The following OSBPL1A variants were observed in gnomAD, a reference collection of about 807,000 sequenced individuals.
The protein encoded by OSBPL1A is oxysterol-binding protein-related protein 1.
A neutral mutation model predicts 137.1 loss-of-function variants in OSBPL1A; 80 were observed. That is an observed-to-expected ratio of 0.58 (90% CI 0.49 to 0.70). OSBPL1A has a LOEUF of 0.70. Ranked by LOEUF, OSBPL1A falls within the 30% of genes least tolerant of loss-of-function variation. The pLI is 0.00. For missense variants in OSBPL1A, 970 were observed against 1,129.4 expected, an observed-to-expected ratio of 0.86 and a Z score of 2.02; for synonymous variants, 365 against 389.7, an observed-to-expected ratio of 0.94 and a Z score of 0.75.
intron 15 of OSBPL1A, among the ~76,000 whole-genome samples, chr18:24,252,448 C>G (rs275868): frequency 0.49 from 74,382 of 151,726 alleles, 19,058 homozygotes; most frequent in East Asian, 0.88. Flanking sequence ...GAAAAAAACT[C>G]TTACCCTAGA....
intron 4 of OSBPL1A, among the ~76,000 whole-genome samples, chr18:24,361,777 G>T (rs565630054): frequency 2.6e-4 from 40 of 152,190 alleles, no homozygotes; most frequent in African/African-American, 9.1e-4. Flanking sequence ...CTTTGGGATT[G>T]AGAGCACTTG....
At chr18:24,389,566 G>A (rs936835366) in intron 1 of OSBPL1A, among the ~76,000 whole-genome samples, 1 of 152,104 alleles carries the variant, frequency 6.6e-6, no homozygotes, top group African/African-American at 2.4e-5. Context: ...CTCCAAGGGC[G>A]ATGACTTGTT....
intron 14 of OSBPL1A, among the ~76,000 whole-genome samples, chr18:24,298,452 T>C (rs2090334512): frequency 6.6e-6 from 1 of 152,224 alleles, no homozygotes. Flanking sequence ...GTTCAAGCGA[T>C]TCTCCTGCCT....
At chr18:24,375,847 G>T (rs1421109009) in intron 2 of OSBPL1A, among the ~76,000 whole-genome samples, 3 of 152,188 alleles carry the variant, frequency 2.0e-5, no homozygotes, top group Non-Finnish European at 4.4e-5. Context: ...TTATCATAGT[G>T]TATCTGGAAT....
Position 24,162,277 on chromosome 18 carries a change from C to T in OSBPL1A, c.*902G>A, listed in dbSNP as rs893198674. On this transcript the variant is annotated 3_prime_UTR_variant, in exon 28 of 28. Transcript: ENST00000319481. ...TAGGTCTCCACACATATTTTAAGTA[C>T]ACAGGTACTTTGCAAACTTGAAATG... 12 of 152,182 alleles carry T rather than the reference C, an allele frequency of 7.9e-5. No individual in the cohort carries two copies. The highest frequency in any genetic ancestry group is 2.9e-4 in the African/African-American group (12 of 41,420). The allele number at this position is 152,182 out of a possible 1,614,324, so 9.4% of individuals were successfully genotyped here. A position where few individuals can be genotyped will look rare whatever the true frequency, so the allele number is the denominator to read the frequency against.
intron 20 of OSBPL1A, among the ~76,000 whole-genome samples, chr18:24,178,809 C>T (rs2086521981): frequency 6.6e-6 from 1 of 152,016 alleles, no homozygotes; most frequent in Admixed American, 6.6e-5. Context: ...AGTGTGTCCA[C>T]TTTCAAACAT....
intron 16 of OSBPL1A, among the ~76,000 whole-genome samples, chr18:24,231,956 G>C (rs1432109110): frequency 6.6e-6 from 1 of 152,158 alleles, no homozygotes; most frequent in Non-Finnish European, 1.5e-5. Flanking sequence ...CAGCAAGATG[G>C]GGAAGAACTG....
intron 18 of OSBPL1A, among the ~76,000 whole-genome samples, chr18:24,184,872 T>G (rs1429455815): frequency 6.6e-6 from 1 of 152,126 alleles, no homozygotes; most frequent in Non-Finnish European, 1.5e-5. Context: ...TGTCACACAC[T>G]GCACTTCCCG....
chr18:24,271,733 C>A lies in OSBPL1A; in HGVS notation c.1281+9109G>T. 1.0e-6 allele frequency: 1 copy of A among 985,412 alleles called. No homozygotes were observed. The highest frequency in any genetic ancestry group is 1.2e-6 in the Non-Finnish European group (1 of 829,954). 61.0% of individuals were successfully genotyped at this position (985,412 alleles called of 1,614,324 possible). Reference sequence around the variant, plus strand: ...CTCCTCCCCTCCAGTCGAGCCGAGGCGAGCCGATCCGGGAGGCGCGACCCA... The same window carrying A: ...CTCCTCCCCTCCAGTCGAGCCGAGGAGAGCCGATCCGGGAGGCGCGACCCA... On this transcript the variant is annotated intron_variant, in intron 15 of 27. Coordinates refer to ENST00000319481, the MANE Select transcript of OSBPL1A (RefSeq NM_080597.4). The surrounding 1 kb of genome is among the most constrained non-coding windows in gnomAD (Gnocchi z 4.0).
At chr18:24,360,648 GA>G (rs958718245) in intron 4 of OSBPL1A, among the ~76,000 whole-genome samples, 1 of 151,508 alleles carries the variant, frequency 6.6e-6, no homozygotes, top group African/African-American at 2.4e-5. Flanking sequence ...ATGTTCACAA[GA>G]AAAAAAAATC....
At chr18:24,187,626 G>A (rs886461683) in intron 18 of OSBPL1A, among the ~76,000 whole-genome samples, 1 of 152,182 alleles carries the variant, frequency 6.6e-6, no homozygotes, top group Non-Finnish European at 1.5e-5. Context: ...TCTGTTAAGT[G>A]AGCAATAGAT....
At chr18:24,167,575 C>G in intron 24 of OSBPL1A, 130 bp from the exon 25 acceptor site, 1 of 745,176 alleles carries the variant, frequency 1.3e-6, no homozygotes, top group African/African-American at 1.8e-5. Flanking sequence ...TATAGCGGAG[C>G]ATGTATAGAA....
chr18:24,374,639 C>T (rs1905941981), intron 2 of OSBPL1A, among the ~76,000 whole-genome samples: 1 of 152,164 alleles, frequency 6.6e-6, no homozygotes, highest in African/African-American at 2.4e-5. Flanking sequence ...CATTGGCTCC[C>T]ACATGCCACT....
intron 1 of OSBPL1A, among the ~76,000 whole-genome samples, chr18:24,377,873 TATTAC>T (rs1183921171): frequency 2.0e-5 from 3 of 152,216 alleles, no homozygotes; most frequent in Non-Finnish European, 4.4e-5. Flanking sequence ...TGCAAATAGT[TATTAC>T]ATTAAAAATT....
chr18:24,247,464 C>T (rs749105406), intron 15 of OSBPL1A, among the ~76,000 whole-genome samples: 1 of 152,054 alleles, frequency 6.6e-6, no homozygotes, highest in Non-Finnish European at 1.5e-5. Context: ...TTTTGTTGGA[C>T]AAGAGGTGTT....
intron 17 of OSBPL1A, among the ~76,000 whole-genome samples, chr18:24,196,622 AG>A (rs1184165831): frequency 6.6e-6 from 1 of 152,266 alleles, no homozygotes; most frequent in Non-Finnish European, 1.5e-5. Flanking sequence ...GCCATCACAA[AG>A]CTTAGATACA....
At chr18:24,187,382 G>GAAAAAA (rs2086779184) in intron 18 of OSBPL1A, among the ~76,000 whole-genome samples, 1 of 152,100 alleles carries the variant, frequency 6.6e-6, no homozygotes, top group Admixed American at 6.6e-5. Flanking sequence ...GGTGAAGGTG[G>GAAAAAA]TGCCTTTTTT....
chr18:24,338,084 T>C (rs1465474031), intron 5 of OSBPL1A, among the ~76,000 whole-genome samples: 1 of 149,308 alleles, frequency 6.7e-6, no homozygotes, highest in African/African-American at 2.6e-5. Flanking sequence ...TCTTTCTTTT[T>C]TTTTTTTTGA....
chr18:24,320,066 A>G (rs1030612303), intron 7 of OSBPL1A, among the ~76,000 whole-genome samples: 2 of 151,966 alleles, frequency 1.3e-5, no homozygotes, highest in African/African-American at 4.8e-5. Flanking sequence ...AGACTGGGTG[A>G]CAGAGTGAGA....
Sources: gnomAD v4.1 joint callset for allele counts (sites outside exome capture counted in the v4.1 genomes callset) on GRCh38, gnomAD v4.1.1 for gene constraint, Gnocchi (gnomAD v3.1) non-coding constraint, MANE v1.5 for transcripts, NCBI Gene and HGNC (gene_info 2026-07-23, HGNC 2026-07-21) for gene names.